The following SESN2 variants were observed in gnomAD, a reference collection of about 807,000 sequenced individuals.
SESN2 encodes sestrin-2.
Under a neutral mutation model 56.0 loss-of-function variants are expected in SESN2, and 42 were observed. The ratio of observed to expected loss-of-function variants is 0.75; its 90% CI spans 0.59 to 0.97. SESN2 has a LOEUF of 0.97. Among genes scored for constraint, SESN2 ranks in the 50% least tolerant of loss-of-function variants. The pLI is 0.00. For synonymous variants in SESN2, 264 were observed against 267.1 expected (o/e 0.99, Z 0.11); for missense variants, 507 against 649.4 (o/e 0.78, Z 2.38).
chr1:28,261,194 G>A (rs1647365212), intron 1 of SESN2, among the ~76,000 whole-genome samples: 1 of 152,100 alleles, frequency 6.6e-6, no homozygotes, highest in African/African-American at 2.4e-5. Context: ...TCCTACCTCC[G>A]TCGGTGTATA....
chr1:28,260,064 C>G (rs977485159), intron 1 of SESN2, 127 bp downstream of exon 1: 16 of 661,304 alleles, frequency 2.4e-5, no homozygotes, highest in African/African-American at 9.6e-5. Flanking sequence ...TAACCCGGGA[C>G]CCGGGTTGCA....
At chr1:28,272,196 C>T in intron 3 of SESN2, 88 bp from the exon 4 acceptor site, 3 of 1,357,716 alleles carry the variant, frequency 2.2e-6, no homozygotes, top group Non-Finnish European at 3.1e-6. Context: ...AACAGTGAGC[C>T]CTACAACCTC....
At chr1:28,275,106 C>CT in intron 8 of SESN2, 91 bp downstream of exon 8, 2 of 929,542 alleles carry the variant, frequency 2.2e-6, no homozygotes, top group Admixed American at 6.1e-5. Context: ...TTGTTTTTTT[C>CT]TTTTCCTTTC....
At chr1:28,277,851 C>T (rs1356930284) in intron 8 of SESN2, among the ~76,000 whole-genome samples, 1 of 152,158 alleles carries the variant, frequency 6.6e-6, no homozygotes, top group Non-Finnish European at 1.5e-5. Context: ...GGTTTCCAAC[C>T]CATGGCTGGC....
At chr1:28,273,327 G>A in intron 5 of SESN2, 31 bp from the exon 6 acceptor site, 4 of 1,530,050 alleles carry the variant, frequency 2.6e-6, no homozygotes, top group Non-Finnish European at 3.5e-6. Flanking sequence ...AGGAGGAGGA[G>A]TAGCTGGTCA....
chr1:28,277,396 A>G (rs938459295), intron 8 of SESN2, among the ~76,000 whole-genome samples: 1 of 151,916 alleles, frequency 6.6e-6, no homozygotes, highest in Non-Finnish European at 1.5e-5. Flanking sequence ...TTGCATTTTT[A>G]GTAGAGATGG....
Position 28,279,194 on chromosome 1 carries a change from C to A in SESN2, c.1309C>A (p.Arg437=), listed in dbSNP as rs747114158. The A allele has an allele frequency of 1.2e-6, 2 of 1,614,108 alleles. No homozygotes were observed. The highest frequency in any genetic ancestry group is 1.7e-6 in the Non-Finnish European group (2 of 1,180,006). Residue 437 remains arginine, a synonymous_variant, in exon 9 of 10, where the codon CGA becomes AGA. Coordinates refer to ENST00000253063, the MANE Select transcript of SESN2 (RefSeq NM_031459.5). Reference sequence around the variant, plus strand: ...GGCCTGCTACCCAGAGAAGACCACCCGAAGAATGTACAACCTCTTCTGGAG... The same window carrying A: ...GGCCTGCTACCCAGAGAAGACCACCAGAAGAATGTACAACCTCTTCTGGAG... ...TVACYPEKTT[R]RMYNLFWRHF... is the part of the protein sequence containing the mutation.
chr1:28,260,025 C>T (rs1647313387), intron 1 of SESN2, 88 bp downstream of exon 1: 2 of 1,019,370 alleles, frequency 2.0e-6, no homozygotes, highest in Non-Finnish European at 1.3e-6. Context: ...TCGGTGTGTC[C>T]TGGGCTCGGG....
intron 2 of SESN2, 36 bp downstream of exon 2, chr1:28,269,284 G>T (rs1647673054): frequency 6.9e-7 from 1 of 1,454,990 alleles, no homozygotes. Flanking sequence ...TTTGGTCCCT[G>T]GGAAGAAAGG....
chr1:28,267,600 G>A (rs1647600800), intron 1 of SESN2, among the ~76,000 whole-genome samples: 2 of 152,182 alleles, frequency 1.3e-5, no homozygotes, highest in Admixed American at 6.5e-5. Flanking sequence ...GCATGGCTCT[G>A]ATTTGGGTAA....
intron 1 of SESN2, among the ~76,000 whole-genome samples, chr1:28,265,848 G>T (rs2149036677): frequency 6.6e-6 from 1 of 152,170 alleles, no homozygotes; most frequent in South Asian, 2.1e-4. Flanking sequence ...TACAGGCCTT[G>T]CTGTCTTCTC....
chr1:28,276,895 T>TAA (rs1453998346), intron 8 of SESN2, among the ~76,000 whole-genome samples: 4 of 145,218 alleles, frequency 2.8e-5, no homozygotes, highest in Non-Finnish European at 3.1e-5. Flanking sequence ...TTTTTTTTTT[T>TAA]TTAATTTATT....
intron 9 of SESN2, among the ~76,000 whole-genome samples, chr1:28,280,146 A>G (rs2149041315): frequency 6.6e-6 from 1 of 152,054 alleles, no homozygotes; most frequent in East Asian, 1.9e-4. Flanking sequence ...TCCAGGCTGT[A>G]TTTGAACTTC....
Position 28,273,411 on chromosome 1 carries a change from G to C in SESN2, c.804G>C (p.Leu268=). 1 of 1,611,032 alleles carries C rather than the reference G, an allele frequency of 6.2e-7. No individual in the cohort carries two copies. The highest frequency in any genetic ancestry group is 2.2e-5 in the East Asian group (1 of 44,874). The change falls in exon 6 of 10, where the codon CTG becomes CTC. Residue 268 remains leucine (L), a synonymous_variant. Coordinates refer to ENST00000253063, the MANE Select transcript of SESN2 (RefSeq NM_031459.5). ...CGCTGATGGAGCGCATGCAGCAGCT[G>C]CAGGAGAGCCTGCTGCGGGATGAGG... The part of the protein sequence containing the change: ...VEALMERMQQ[L]QESLLRDEGT...
At position 28,274,030 on chromosome 1, in the gene SESN2, T is replaced by G. The variant is rs754030508; in HGVS notation, c.902-10T>G. On this transcript the variant is annotated splice_polypyrimidine_tract_variant and intron_variant, in intron 6 of 9. Transcript: ENST00000253063. ...CCTCAGCCTCACTGTGACCTCTTTC[T>G]GGTCCTCAGCTGACATCCTGGAGCC... 3 of 1,579,782 alleles carry G rather than the reference T, an allele frequency of 1.9e-6. No individual in the cohort carries two copies. The highest frequency in any genetic ancestry group is 2.6e-6 in the Non-Finnish European group (3 of 1,148,692).
intron 1 of SESN2, among the ~76,000 whole-genome samples, chr1:28,263,148 C>A (rs1557729658): frequency 6.6e-6 from 1 of 152,182 alleles, no homozygotes. Flanking sequence ...ACTAGTTGCC[C>A]CTTGCTGGCT....
At chr1:28,278,105 A>G (rs957235993) in intron 8 of SESN2, among the ~76,000 whole-genome samples, 2 of 152,178 alleles carry the variant, frequency 1.3e-5, no homozygotes, top group Admixed American at 6.6e-5. Context: ...TTGGCTTTGA[A>G]GAAGTTAGTC....
At chr1:28,280,683 T>C in intron 9 of SESN2, 33 bp from the exon 10 acceptor site, 1 of 1,557,166 alleles carries the variant, frequency 6.4e-7, no homozygotes, top group Non-Finnish European at 8.8e-7. Flanking sequence ...AGGAGTGACA[T>C]CAGTTGCCAA....
chr1:28,266,359 T>C (rs1647559355), intron 1 of SESN2, among the ~76,000 whole-genome samples: 1 of 152,110 alleles, frequency 6.6e-6, no homozygotes, highest in African/African-American at 2.4e-5. Flanking sequence ...TACCTGACTT[T>C]TTATTAAGTG....
Sources: allele counts gnomAD v4.1 joint callset (sites outside exome capture counted in the v4.1 genomes callset), GRCh38; gene constraint gnomAD v4.1.1; transcripts MANE v1.5; gene names NCBI Gene and HGNC (gene_info 2026-07-23, HGNC 2026-07-21).